HDC: variants seen among roughly 807,000 people sequenced by gnomAD.
HDC encodes histidine decarboxylase.
HDC carries 27 observed loss-of-function variants against 64.4 expected under a neutral mutation model. The observed-to-expected ratio is 0.42, with a 90% CI of 0.31 to 0.58. The LOEUF is 0.58. Among genes scored for constraint, HDC ranks in the 20% least tolerant of loss-of-function variants. The pLI is 0.16. For synonymous variants in HDC, 305 were observed against 314.2 expected, an observed-to-expected ratio of 0.97 and a Z score of 0.31; for missense variants, 711 against 833.9, an observed-to-expected ratio of 0.85 and a Z score of 1.81.
rs1467753232 is a variant in HDC, at chr15:50,258,501, C to G, written c.221G>C (p.Ser74Thr). The G allele has an allele frequency of 6.2e-7, 1 of 1,611,354 alleles. No homozygotes were observed. Among genetic ancestry groups the G allele is most frequent in the Non-Finnish European group, 8.5e-7 (1 of 1,177,710 alleles). ...TGGGTAGTAGGCGTGCATATGGGGG[C>G]TCTGCCAATGTACCACCTGGAGGCA... ...IIMPGVVHWQ[S>T]PHMHAYYPAL... The change falls in exon 3 of 12, where the codon AGC (serine) becomes ACC (threonine). Residue 74 changes from serine to threonine, a missense_variant. Transcript: ENST00000267845.
rs1457565592 is a variant in HDC at position 50,254,763 on chromosome 15, T to C, written c.442-99A>G. 4.0e-5 allele frequency: 43 copies of C among 1,077,332 alleles called. No individual in the cohort carries two copies. In the East Asian group the frequency reaches 1.1e-3, roughly 27 times the overall value. 66.7% of individuals were successfully genotyped at this position (1,077,332 alleles called of 1,614,324 possible). On this transcript the variant is annotated intron_variant, in intron 4 of 11. Transcript: ENST00000267845. Reference sequence around the variant, plus strand: ...TTCTCTCTCTCTCTCTCTCTCTCTCTCTCTCTCTCTCTCTGTGTGTGTATG... The same window carrying C: ...TTCTCTCTCTCTCTCTCTCTCTCTCCCTCTCTCTCTCTCTGTGTGTGTATG...
intron 7 of HDC, 73 bp from the exon 8 acceptor site, chr15:50,252,847 T>A (rs780190089): frequency 5.5e-6 from 8 of 1,458,884 alleles, no homozygotes; most frequent in Non-Finnish European, 7.5e-6. Flanking sequence ...CTGGCCAAGC[T>A]GAGTGGTGGG....
chr15:50,264,639 T>G (rs1015380565), intron 1 of HDC, among the ~76,000 whole-genome samples: 2 of 152,184 alleles, frequency 1.3e-5, no homozygotes, highest in Admixed American at 1.3e-4. Flanking sequence ...ATCCATTCCT[T>G]AGTACTCCCT....
chr15:50,255,726 G>A (rs936562660), intron 4 of HDC, among the ~76,000 whole-genome samples: 1 of 152,210 alleles, frequency 6.6e-6, no homozygotes, highest in Non-Finnish European at 1.5e-5. Context: ...CTTGGGCCCA[G>A]GAGATGGAGG....
At chr15:50,261,388 T>A (rs1340154484) in intron 2 of HDC, among the ~76,000 whole-genome samples, 3 of 152,184 alleles carry the variant, frequency 2.0e-5, no homozygotes, top group Admixed American at 2.0e-4. Flanking sequence ...GATAATCTTA[T>A]CAGGATCTAG....
chr15:50,252,479 T>A lies in HDC; in HGVS notation c.992A>T (p.Asn331Ile), dbSNP rs2045569665. 6.2e-7 allele frequency: 1 copy of A among 1,614,158 alleles called. No individual in the cohort carries two copies. Among genetic ancestry groups the A allele is most frequent in the African/African-American group, 1.3e-5 (1 of 75,024 alleles). The change falls in exon 9 of 12, where the codon AAT becomes ATT. Residue 331 changes from asparagine (N) to isoleucine (I), a missense_variant. By Grantham distance (149) the Asn-to-Ile change is moderately radical. Transcript: ENST00000267845. Reference protein sequence around the residue: ...KYKLQQTFSVNPIYLRHANSG... With the variant: ...KYKLQQTFSVIPIYLRHANSG... ...GTTGGCATGCCTGAGGTAGATGGGA[T>A]TCACACTGAAGGTCTGCTGCAGCTT...
chr15:50,242,383 C>T lies in HDC; in HGVS notation c.1866G>A (p.Met622Ile). 1 of 1,614,156 alleles carries T rather than the reference C, an allele frequency of 6.2e-7. No homozygotes were observed. Among genetic ancestry groups the T allele is most frequent in the Non-Finnish European group, 8.5e-7 (1 of 1,180,024 alleles). ...TGAAGGCACTTTTCTTCAGCATCAT[C>T]ATGTCTTCTGGAAACCTGGAAAAGA... ...VRIFSRFPED[M>I]MMLKKSAFKK... The change falls in exon 12 of 12, where the codon ATG becomes ATA. Residue 622 changes from methionine to isoleucine, a missense_variant. Met to Ile is a conservative substitution (Grantham distance 10, BLOSUM62 1). This residue lies in a region of HDC where 483 missense variants were observed against 540.9 expected (regional missense o/e 0.89). Coordinates refer to ENST00000267845, the MANE Select transcript of HDC (RefSeq NM_002112.4).
intron 2 of HDC, among the ~76,000 whole-genome samples, chr15:50,259,033 A>G (rs773474992): frequency 6.6e-6 from 1 of 152,072 alleles, no homozygotes; most frequent in Non-Finnish European, 1.5e-5. Flanking sequence ...GGGGTGGCAG[A>G]AGCCTGTAGT....
In HDC at chr15:50,258,418, A is replaced by C. The variant is rs544960069; in HGVS notation, c.304T>G (p.Leu102Val). The change falls in exon 3 of 12, where the codon TTG becomes GTG. Residue 102 changes from leucine to valine, a missense_variant. Leu to Val is a conservative substitution (Grantham distance 32). Around this residue, in one of 3 missense-constraint regions of HDC, gnomAD observed 225 missense variants for 276.2 expected, o/e 0.81. Transcript: ENST00000267845. ...GDMLADAINC[L>V]GFTWASSPAC... is the part of the protein sequence containing the mutation. ...TTGCTACTCACCCAGGTGAATCCCAAGCAGTTGATGGCATCAGCCAGCATG... is the reference window on the plus strand; with the variant it reads ...TTGCTACTCACCCAGGTGAATCCCACGCAGTTGATGGCATCAGCCAGCATG... The C allele has an allele frequency of 4.3e-6, 7 of 1,609,746 alleles. No individual in the cohort carries two copies. Among genetic ancestry groups the C allele is most frequent in the Non-Finnish European group, 6.0e-6 (7 of 1,176,242 alleles).
rs752957505 is a variant in HDC at position 50,242,963 on chromosome 15, T to C, written c.1286A>G (p.Lys429Arg). The C allele has an allele frequency of 4.3e-6, 7 of 1,613,912 alleles. No individual in the cohort carries two copies. In the African/African-American group the frequency reaches 8.0e-5, roughly 18 times the overall value. The change falls in exon 12 of 12, where the codon AAA (lysine) becomes AGA (arginine). Residue 429 changes from lysine to arginine, a missense_variant. Around this residue, in one of 3 missense-constraint regions of HDC, gnomAD observed 483 missense variants for 540.9 expected, o/e 0.89. Coordinates refer to ENST00000267845, the MANE Select transcript of HDC (RefSeq NM_002112.4). ...LTENVLKEIA[K>R]AGRLFLIPAT... ...CGGGATGAGGAAGAGACGGCCAGCT[T>C]TAGCTATTTCCTTTAACACATTTTC...
chr15:50,263,578 G>A (rs868075810), intron 1 of HDC, 171 bp from the exon 2 acceptor site: 4 of 672,442 alleles, frequency 5.9e-6, no homozygotes, highest in African/African-American at 5.3e-5. Flanking sequence ...GAGGCAGGCG[G>A]ATCACGAGGT....
intron 1 of HDC, 169 bp from the exon 2 acceptor site, chr15:50,263,576 C>T (rs577487973): frequency 1.0e-4 from 70 of 673,396 alleles, no homozygotes; most frequent in Admixed American, 9.8e-4. Flanking sequence ...CTGAGGCAGG[C>T]GGATCACGAG....
At chr15:50,254,733 GT>G (rs200012989) in intron 4 of HDC, 69 bp from the exon 5 acceptor site, 51 of 1,075,088 alleles carry the variant, frequency 4.7e-5, no homozygotes, top group Non-Finnish European at 6.6e-5. Context: ...AGGCTTTCTA[GT>G]TTTTTCTCTC....
intron 10 of HDC, among the ~76,000 whole-genome samples, chr15:50,244,376 C>T (rs2045449110): frequency 6.8e-6 from 1 of 146,764 alleles, no homozygotes; most frequent in South Asian, 2.2e-4. Flanking sequence ...AATCAAAGCT[C>T]ACTGCAGCCT....
rs753711110 is a variant in HDC, at chr15:50,248,307, C to G, written c.1078G>C (p.Val360Leu). 2.5e-6 allele frequency: 4 copies of G among 1,614,062 alleles called. No individual in the cohort carries two copies. The African/African-American group carries it at 5.3e-5, about 22-fold the overall frequency. The change falls in exon 10 of 12, where the codon GTT becomes CTT. Residue 360 changes from valine to leucine, a missense_variant. Physicochemically the swap from Val to Leu is conservative, Grantham distance 32. Coordinates refer to ENST00000267845, the MANE Select transcript of HDC (RefSeq NM_002112.4). This position sits in a 1 kb window ranked among gnomAD's most constrained non-coding sequence, Gnocchi z 4.3. ...QIPLSRRFRS[V>L]KLWFVIRSFG... ...GACCGAATCACGAACCAGAGTTTAA[C>G]AGAGCGAAACCGTCGGCTCAGGGGG...
chr15:50,253,202 T>A, intron 7 of HDC: 1 of 371,900 alleles, frequency 2.7e-6, no homozygotes, highest in Non-Finnish European at 5.1e-6. Context: ...CTTTAATCTC[T>A]CCCATGATTT....
chr15:50,249,047 T>G (rs1366428240), intron 9 of HDC, among the ~76,000 whole-genome samples: 1 of 152,242 alleles, frequency 6.6e-6, no homozygotes, highest in Non-Finnish European at 1.5e-5. Context: ...AACCTTACAC[T>G]GCCTTGTTCA....
intron 2 of HDC, among the ~76,000 whole-genome samples, chr15:50,262,357 G>A (rs1025890660): frequency 5.3e-5 from 8 of 152,186 alleles, no homozygotes; most frequent in Admixed American, 6.5e-5. Flanking sequence ...TTCCTCATCT[G>A]TAAAACAGGG....
At position 50,258,387 on chromosome 15, in the gene HDC, C is replaced by G. The variant is rs369100916; in HGVS notation, c.318+17G>C. On this transcript the variant is annotated intron_variant, in intron 3 of 11. Coordinates refer to ENST00000267845, the MANE Select transcript of HDC (RefSeq NM_002112.4). ...CTACGTTCCCCATTGCGAGTAGTTA[C>G]AGCCGTTGCTACTCACCCAGGTGAA... is the stretch of plus-strand genomic sequence containing the variant. The G allele has an allele frequency of 2.9e-5, 43 of 1,461,538 alleles. No homozygotes were observed. Among genetic ancestry groups the G allele is most frequent in the Non-Finnish European group, 3.9e-5 (41 of 1,041,154 alleles). The allele number at this position is 1,461,538 out of a possible 1,614,324, so 90.5% of individuals were successfully genotyped here. A position where few individuals can be genotyped will look rare whatever the true frequency, so the allele number is the denominator to read the frequency against.
Sources: allele counts gnomAD v4.1 joint callset (sites outside exome capture counted in the v4.1 genomes callset), GRCh38; gene constraint gnomAD v4.1.1; regional missense constraint gnomAD v4.1.1; non-coding constraint Gnocchi (gnomAD v3.1); transcripts MANE v1.5; gene names NCBI Gene and HGNC (gene_info 2026-07-23, HGNC 2026-07-21).